The following LRCH1 variants were observed in gnomAD, a reference collection of about 807,000 sequenced individuals.
The protein encoded by LRCH1 is leucine rich repeats and calponin homology domain containing 1, also known as leucine-rich repeat and calponin homology domain-containing protein 1.
In LRCH1, 23 loss-of-function variants were observed where a neutral mutation model predicts 94.9. The ratio of observed to expected loss-of-function variants is 0.24; its 90% CI spans 0.17 to 0.34. LRCH1 has a LOEUF of 0.34. Ranked by LOEUF, LRCH1 falls within the 10% of genes least tolerant of loss-of-function variation. The probability of loss-of-function intolerance (pLI) is 1.00; values close to 1 mark genes in which losing one functional copy is unlikely to be tolerated. For missense variants in LRCH1, 790 were observed against 945.9 expected, an observed-to-expected ratio of 0.84 and a Z score of 2.16; for synonymous variants, 364 against 354.9, an observed-to-expected ratio of 1.03 and a Z score of -0.29.
intron 1 of LRCH1, among the ~76,000 whole-genome samples, chr13:46,566,199 T>G (rs1316683589): frequency 2.0e-5 from 3 of 152,234 alleles, no homozygotes; most frequent in African/African-American, 7.2e-5. Flanking sequence ...ATGAATAATT[T>G]TATGTTCTTG....
chr13:46,596,330 A>G (rs2050562836), intron 1 of LRCH1, among the ~76,000 whole-genome samples: 1 of 152,200 alleles, frequency 6.6e-6, no homozygotes, highest in Admixed American at 6.5e-5. Context: ...AGGAGGCAGC[A>G]TGTTTTGGTA....
chr13:46,701,649 TA>T (rs1331000760), intron 11 of LRCH1, among the ~76,000 whole-genome samples: 1 of 152,220 alleles, frequency 6.6e-6, no homozygotes, highest in Non-Finnish European at 1.5e-5. Flanking sequence ...CTGAAGAATA[TA>T]TTTCTAAAGA....
chr13:46,584,950 T>A (rs75625158), intron 1 of LRCH1, among the ~76,000 whole-genome samples: 11,225 of 124,760 alleles, frequency 0.09, 553 homozygotes, highest in Middle Eastern at 0.17. Context: ...GACATAAAAG[T>A]TCCTTTCTCA....
chr13:46,652,101 G>A (rs1408174832), intron 2 of LRCH1, among the ~76,000 whole-genome samples: 5 of 128,190 alleles, frequency 3.9e-5, no homozygotes, highest in Admixed American at 7.7e-5. Context: ...TTTTGAGACG[G>A]AGTCTTGCTC....
At chr13:46,623,076 G>C (rs2050899210) in intron 1 of LRCH1, among the ~76,000 whole-genome samples, 1 of 152,140 alleles carries the variant, frequency 6.6e-6, no homozygotes, top group Admixed American at 6.5e-5. Flanking sequence ...TCTGTCATTT[G>C]CATGCACTGT....
At chr13:46,752,442 G>C (rs1874180085) in exon 19 of LRCH1, 1 of 152,224 alleles carries the variant, frequency 6.6e-6, no homozygotes, top group Admixed American at 6.5e-5. Context: ...ATGGGGGGAG[G>C]TTTCTGAAAA....
intron 4 of LRCH1, among the ~76,000 whole-genome samples, chr13:46,682,734 A>G (rs577142602): frequency 6.6e-6 from 1 of 152,278 alleles, no homozygotes; most frequent in South Asian, 2.1e-4. Context: ...GTGACAGCAG[A>G]ACCTCAGCAT....
At chr13:46,588,893 G>A (rs921535926) in intron 1 of LRCH1, among the ~76,000 whole-genome samples, 6 of 151,998 alleles carry the variant, frequency 3.9e-5, no homozygotes, top group Admixed American at 2.6e-4. Context: ...GTGAGCAACC[G>A]TGCCCAGCCT....
chr13:46,705,745 GAT>G, intron 13 of LRCH1: 1 of 322,394 alleles, frequency 3.1e-6, no homozygotes, highest in Non-Finnish European at 6.0e-6. Context: ...TGTCGAGGAG[GAT>G]TGAGAGAATA....
chr13:46,565,901 T>C (rs1427675043), intron 1 of LRCH1, among the ~76,000 whole-genome samples: 1 of 151,382 alleles, frequency 6.6e-6, no homozygotes, highest in Admixed American at 6.6e-5. Context: ...GGACTGAGTC[T>C]CGCAGAGAAG....
At chr13:46,580,121 C>T in intron 1 of LRCH1, among the ~76,000 whole-genome samples, 1 of 152,216 alleles carries the variant, frequency 6.6e-6, no homozygotes, top group East Asian at 1.9e-4. Flanking sequence ...CCAGGTCCTC[C>T]TCCTACTGCC....
intron 1 of LRCH1, among the ~76,000 whole-genome samples, chr13:46,566,440 G>A (rs1223310727): frequency 2.0e-5 from 3 of 152,202 alleles, no homozygotes; most frequent in African/African-American, 7.2e-5. Flanking sequence ...TAACTCGGAA[G>A]GGGGAATAAT....
rs371365374 is a variant in LRCH1, at chr13:46,591,232, G to A, written c.307+37529G>A. Among the ~76,000 whole-genome samples, 465 of 152,228 alleles carry A rather than the reference G, an allele frequency of 3.1e-3. 3 individuals are homozygous for A. The highest frequency in any genetic ancestry group is 0.02 in the South Asian group (96 of 4,824). ...TACCAAATGTTGGAAATAATTTTAG[G>A]ATATAAAAACACATCTTTCATATGA... On this transcript the variant is annotated intron_variant, in intron 1 of 19. Transcript: ENST00000389797.
intron 1 of LRCH1, among the ~76,000 whole-genome samples, chr13:46,646,919 C>T (rs2051227503): frequency 6.6e-6 from 1 of 152,004 alleles, no homozygotes; most frequent in South Asian, 2.1e-4. Flanking sequence ...TTAAGACCAG[C>T]CTGGCCCACA....
chr13:46,660,262 C>T (rs901285392), intron 2 of LRCH1, among the ~76,000 whole-genome samples: 3 of 151,964 alleles, frequency 2.0e-5, no homozygotes, highest in Non-Finnish European at 4.4e-5. Context: ...GATCCACCCA[C>T]CTCGGCCTCC....
At chr13:46,688,904 G>A (rs527563776) in intron 6 of LRCH1, among the ~76,000 whole-genome samples, 3 of 152,250 alleles carry the variant, frequency 2.0e-5, no homozygotes, top group African/African-American at 7.2e-5. Context: ...ATGAAACCCC[G>A]AACACAAAGA....
chr13:46,598,366 A>C (rs1022257121), intron 1 of LRCH1, among the ~76,000 whole-genome samples: 8 of 151,906 alleles, frequency 5.3e-5, no homozygotes, highest in African/African-American at 1.9e-4. Flanking sequence ...AATTGGTATA[A>C]AAATAGGCAA....
At chr13:46,675,208 C>T (rs900165616) in intron 3 of LRCH1, among the ~76,000 whole-genome samples, 5 of 152,174 alleles carry the variant, frequency 3.3e-5, no homozygotes, top group African/African-American at 7.2e-5. Context: ...GTATAAATGC[C>T]ATGTGTTATA....
At chr13:46,563,232 A>G (rs978703148) in intron 1 of LRCH1, among the ~76,000 whole-genome samples, 2 of 152,180 alleles carry the variant, frequency 1.3e-5, no homozygotes, top group Non-Finnish European at 2.9e-5. Context: ...ACCTAGTTTG[A>G]ATTGGATGAG....
Sources: gnomAD v4.1 joint callset for allele counts (sites outside exome capture counted in the v4.1 genomes callset) on GRCh38, gnomAD v4.1.1 for gene constraint, MANE v1.5 for transcripts, NCBI Gene and HGNC (gene_info 2026-07-23, HGNC 2026-07-21) for gene names.